GPATCH8: variants seen among roughly 807,000 people sequenced by gnomAD.
GPATCH8 encodes the protein G patch domain-containing protein 8.
A neutral mutation model predicts 118.3 loss-of-function variants in GPATCH8; 18 were observed. That is an observed-to-expected ratio of 0.15 (90% confidence interval 0.11 to 0.23). The LOEUF is 0.23. Among genes scored for constraint, GPATCH8 ranks in the 10% least tolerant of loss-of-function variants. The pLI is 1.00. For missense variants in GPATCH8, 1,631 were observed against 1,873.8 expected (o/e 0.87, Z 2.39); for synonymous variants, 659 against 684.7 (o/e 0.96, Z 0.59).
intron 1 of GPATCH8, among the ~76,000 whole-genome samples, chr17:44,497,544 C>G (rs1328396569): frequency 6.6e-6 from 1 of 151,884 alleles, no homozygotes; most frequent in Admixed American, 6.6e-5. Flanking sequence ...GCCATGATCG[C>G]GTCACTGCAC....
rs1377081356 is a variant in GPATCH8 at position 44,397,259 on chromosome 17, G to A, written c.*309C>T. ...GAGGAAAAAAGCAGAGGGAGGAGGG[G>A]ATTATCTAAACTTGACAGTTTGGAG... is the stretch of plus-strand genomic sequence containing the variant. On this transcript the variant is annotated 3_prime_UTR_variant, in exon 8 of 8. Coordinates refer to ENST00000591680, the MANE Select transcript of GPATCH8 (RefSeq NM_001002909.4). 1 of 551,426 alleles carries A rather than the reference G, an allele frequency of 1.8e-6. No individual in the cohort carries two copies. The highest frequency in any genetic ancestry group is 4.4e-5 in the East Asian group (1 of 22,910). The allele number at this position is 551,426 out of a possible 1,614,324, so 34.2% of individuals were successfully genotyped here.
chr17:44,413,002 G>C (rs763024007), intron 6 of GPATCH8, among the ~76,000 whole-genome samples: 8 of 152,168 alleles, frequency 5.3e-5, no homozygotes, highest in East Asian at 1.9e-4. Flanking sequence ...ATCACCAGGT[G>C]GTGGGTGAGA....
chr17:44,471,085 AGTT>A (rs1713352124), intron 2 of GPATCH8, among the ~76,000 whole-genome samples: 1 of 152,236 alleles, frequency 6.6e-6, no homozygotes, highest in South Asian at 2.1e-4. Context: ...GAGATAATCA[AGTT>A]GTTTAGCAAT....
intron 1 of GPATCH8, 128 bp downstream of exon 1, chr17:44,503,198 G>A (rs1162966487): frequency 1.2e-5 from 10 of 821,270 alleles, no homozygotes; most frequent in Non-Finnish European, 2.1e-5. Flanking sequence ...AAGCAGAGAC[G>A]GGAGAAGAGC....
At position 44,479,197 on chromosome 17, in the gene GPATCH8, T is replaced by C. The variant is rs190145702; in HGVS notation, c.46-4294A>G. Among the ~76,000 whole-genome samples, 315 of 152,330 alleles carry C rather than the reference T, an allele frequency of 2.1e-3. 3 individuals carry two copies. The highest frequency in any genetic ancestry group is 3.9e-3 in the Non-Finnish European group (262 of 68,022). On this transcript the variant is annotated intron_variant, in intron 1 of 7. Coordinates refer to ENST00000591680, the MANE Select transcript of GPATCH8 (RefSeq NM_001002909.4). ...ACCATTTCAGCTCATCCTTGCTGCA[T>C]GAAAAATCACACAAGTTTTTCCAAA...
intron 6 of GPATCH8, among the ~76,000 whole-genome samples, chr17:44,411,078 A>C (rs965761307): frequency 6.6e-6 from 1 of 152,228 alleles, no homozygotes; most frequent in African/African-American, 2.4e-5. Context: ...TGTGCAGAAA[A>C]GGTACACCCC....
At chr17:44,453,818 C>T (rs973640209) in intron 3 of GPATCH8, among the ~76,000 whole-genome samples, 1 of 151,964 alleles carries the variant, frequency 6.6e-6, no homozygotes, top group African/African-American at 2.4e-5. Flanking sequence ...CAGGCATGAG[C>T]CATCGTGCCC....
chr17:44,497,593 C>T (rs771914343), intron 1 of GPATCH8, among the ~76,000 whole-genome samples: 10 of 151,726 alleles, frequency 6.6e-5, no homozygotes, highest in Non-Finnish European at 1.2e-4. Flanking sequence ...GTCTCAAAAA[C>T]GAATTTTTTA....
intron 5 of GPATCH8, among the ~76,000 whole-genome samples, chr17:44,426,846 ACAC>A (rs2050105808): frequency 6.9e-6 from 1 of 145,752 alleles, no homozygotes. Flanking sequence ...ACACACACAC[ACAC>A]TCTCTCTCTC....
rs565759665 is a variant in GPATCH8, at chr17:44,427,801, G to C, written c.349-3309C>G. ...GTTTTTAAAATGGAAGAGGAAAGAA[G>C]AGAAAACAAGCTAGCTTTTTATTGC... is the stretch of plus-strand genomic sequence containing the variant. On this transcript the variant is annotated intron_variant, in intron 5 of 7. Coordinates refer to ENST00000591680, the MANE Select transcript of GPATCH8 (RefSeq NM_001002909.4). Among the ~76,000 whole-genome samples, 11 of 152,252 alleles carry C rather than the reference G, an allele frequency of 7.2e-5. No individual in the cohort carries two copies. The East Asian group carries it at 1.2e-3, about 16-fold the overall frequency.
chr17:44,492,344 G>A (rs1263228190), intron 1 of GPATCH8, among the ~76,000 whole-genome samples: 18 of 148,120 alleles, frequency 1.2e-4, no homozygotes, highest in Admixed American at 4.1e-4. Flanking sequence ...TTGGGAGGCC[G>A]AGGCGGGAGG....
At chr17:44,422,946 C>T (rs115478294) in intron 6 of GPATCH8, among the ~76,000 whole-genome samples, 1,868 of 152,036 alleles carry the variant, frequency 0.012, 32 homozygotes, top group African/African-American at 0.037. Flanking sequence ...TTCTCTTCTT[C>T]GAATCAAGCA....
chr17:44,457,385 G>A (rs1014109854), intron 3 of GPATCH8, among the ~76,000 whole-genome samples: 20 of 152,160 alleles, frequency 1.3e-4, no homozygotes, highest in African/African-American at 4.8e-4. Flanking sequence ...TTTGGCTAAT[G>A]ATTTTATAAA....
intron 6 of GPATCH8, among the ~76,000 whole-genome samples, chr17:44,423,134 A>G (rs969336710): frequency 9.2e-5 from 14 of 151,998 alleles, no homozygotes; most frequent in African/African-American, 3.1e-4. Context: ...CCAGCTACTC[A>G]GGAGGCTGAG....
At chr17:44,490,222 C>A (rs1372951410) in intron 1 of GPATCH8, among the ~76,000 whole-genome samples, 2 of 151,926 alleles carry the variant, frequency 1.3e-5, no homozygotes, top group Non-Finnish European at 2.9e-5. Flanking sequence ...TGGGGAGGAT[C>A]CCTTGAGTCC....
intron 3 of GPATCH8, among the ~76,000 whole-genome samples, chr17:44,441,334 CAGATGTAAGAATACCACAATGTA>C (rs1195721732): frequency 6.6e-6 from 1 of 152,224 alleles, no homozygotes; most frequent in African/African-American, 2.4e-5. Context: ...GAATTGTCAA[CAGATGTAAGAATACCACAATGTA>C]AGATGTAAGA....
chr17:44,490,081 T>G (rs1969124872), intron 1 of GPATCH8, among the ~76,000 whole-genome samples: 1 of 152,154 alleles, frequency 6.6e-6, no homozygotes, highest in African/African-American at 2.4e-5. Flanking sequence ...GTGGATCTCT[T>G]GAGCCCAGGA....
intron 3 of GPATCH8, among the ~76,000 whole-genome samples, chr17:44,461,473 T>C (rs1043305452): frequency 2.0e-5 from 3 of 152,048 alleles, no homozygotes; most frequent in African/African-American, 7.2e-5. Flanking sequence ...CGCTAGCCAC[T>C]GCACCCGGCT....
At chr17:44,436,741 G>A (rs1340992264) in intron 3 of GPATCH8, 196 bp from the exon 4 acceptor site, 2 of 569,762 alleles carry the variant, frequency 3.5e-6, no homozygotes, top group Admixed American at 6.2e-5. Flanking sequence ...TAACCACCTT[G>A]GCTGACGTCC....
Sources: gnomAD v4.1 joint callset for allele counts (sites outside exome capture counted in the v4.1 genomes callset) on GRCh38, gnomAD v4.1.1 for gene constraint, MANE v1.5 for transcripts, NCBI Gene and HGNC (gene_info 2026-07-23, HGNC 2026-07-21) for gene names.